The following KLF7 variants were observed in gnomAD, a reference collection of about 807,000 sequenced individuals.
KLF7 encodes the protein KLF transcription factor 7.
A neutral mutation model predicts 27.3 loss-of-function variants in KLF7; 2 were observed. The observed-to-expected ratio is 0.07, with a 90% CI of 0.03 to 0.23. KLF7 has a LOEUF of 0.23. Among genes scored for constraint, KLF7 ranks in the 10% least tolerant of loss-of-function variants. KLF7 has a pLI of 1.00. For missense variants in KLF7, 221 were observed against 394.1 expected (o/e 0.56, Z 3.72); for synonymous variants, 165 against 162.4 (o/e 1.02, Z -0.12).
chr2:207,081,228 C>T lies in KLF7; in HGVS notation c.894G>A (p.Met298Ile). ...FSRSDHLALH[M>I]KRHI ...TTTCGGTTTTTTAGATATGTCTCTT[C>T]ATGTGGAGGGCAAGATGGTCAGACC... Residue 298 changes from methionine to isoleucine, a missense_variant, in exon 4 of 4, where the codon ATG (methionine) becomes ATA (isoleucine). This residue lies in a region of KLF7 where 30 missense variants were observed against 115.4 expected (regional missense o/e 0.26). Coordinates refer to ENST00000309446, the MANE Select transcript of KLF7 (RefSeq NM_003709.4). The T allele has an allele frequency of 6.2e-7, 1 of 1,614,088 alleles. No individual in the cohort carries two copies. The highest frequency in any genetic ancestry group is 8.5e-7 in the Non-Finnish European group (1 of 1,179,974).
chr2:207,109,736 C>T (rs1337802238), intron 2 of KLF7, among the ~76,000 whole-genome samples: 1 of 152,194 alleles, frequency 6.6e-6, no homozygotes, highest in Non-Finnish European at 1.5e-5. Context: ...TTTAGCACAT[C>T]TGCTCTGGGA....
intron 2 of KLF7, among the ~76,000 whole-genome samples, chr2:207,097,261 A>T (rs1337721318): frequency 6.9e-6 from 1 of 145,648 alleles, no homozygotes; most frequent in Non-Finnish European, 1.5e-5. Flanking sequence ...GGAAGGAATT[A>T]AAAAAAAAAA....
upstream of KLF7, chr2:207,166,739 G>A: frequency 1.1e-6 from 1 of 948,236 alleles, no homozygotes; most frequent in Non-Finnish European, 1.3e-6. Context: ...AGGCGGTGCC[G>A]GGGAGGTCCT....
At chr2:207,109,960 C>T (rs1316950581) in intron 2 of KLF7, 2 of 154,784 alleles carry the variant, frequency 1.3e-5, no homozygotes. Context: ...TCCCTACAGC[C>T]ACATTCACAT....
At chr2:207,101,030 C>T (rs55916865) in intron 2 of KLF7, among the ~76,000 whole-genome samples, 297 of 152,298 alleles carry the variant, frequency 2.0e-3, no homozygotes, top group Non-Finnish European at 3.5e-3. Flanking sequence ...TCCAACAGCA[C>T]GAAAAGTTTT....
At position 207,146,975 on chromosome 2, in the gene KLF7, G is replaced by A. The variant is rs183720127; in HGVS notation, c.102+18492C>T. Among the ~76,000 whole-genome samples the A allele has an allele frequency of 4.0e-4, 61 of 152,284 alleles. 1 individual carries two copies. Among genetic ancestry groups the A allele is most frequent in the African/African-American group, 1.3e-3 (53 of 41,570 alleles). ...GTCAGCCCATGGGCTAGAAGGGGTT[G>A]GGCACAGGGAAGTATGGGGAAGCTA... On this transcript the variant is annotated intron_variant, in intron 1 of 3. Transcript: ENST00000309446.
upstream of KLF7, among the ~76,000 whole-genome samples, chr2:207,168,848 C>T (rs879511173): frequency 6.6e-5 from 10 of 152,192 alleles, no homozygotes; most frequent in African/African-American, 1.9e-4. Flanking sequence ...AAAACACATG[C>T]AAGGTATCCA....
At chr2:207,125,176 A>T (rs1327382482) in intron 1 of KLF7, among the ~76,000 whole-genome samples, 1 of 152,262 alleles carries the variant, frequency 6.6e-6, no homozygotes, top group Non-Finnish European at 1.5e-5. Flanking sequence ...ACTTAAAGAT[A>T]GGACCCAATA....
intron 2 of KLF7, among the ~76,000 whole-genome samples, chr2:207,107,721 T>A (rs983959599): frequency 4.6e-5 from 7 of 152,160 alleles, no homozygotes; most frequent in African/African-American, 1.7e-4. Context: ...GCCAGCCGGC[T>A]CTTCTTTGTG....
intron 1 of KLF7, among the ~76,000 whole-genome samples, chr2:207,137,722 T>C (rs1159926468): frequency 6.6e-6 from 1 of 152,194 alleles, no homozygotes; most frequent in Non-Finnish European, 1.5e-5. Context: ...TAATGAAGTG[T>C]AGATTCTCTT....
chr2:207,081,054 T>A lies in KLF7; in HGVS notation c.*159A>T, dbSNP rs1218846805. 3.1e-6 allele frequency: 2 copies of A among 654,936 alleles called. No individual in the cohort carries two copies. The highest frequency in any genetic ancestry group is 5.5e-6 in the Non-Finnish European group (2 of 365,960). 40.6% of individuals were successfully genotyped at this position (654,936 alleles called of 1,614,324 possible). A position where few individuals can be genotyped will look rare whatever the true frequency, so the allele number is the denominator to read the frequency against. ...GTGTATGTGTGTGGGTCTGTGAGTG[T>A]GTGTATATGTGTGTGTGTGTGTGTG... On this transcript the variant is annotated 3_prime_UTR_variant, in exon 4 of 4. Transcript: ENST00000309446.
chr2:207,115,130 A>G (rs2077144533), intron 2 of KLF7, among the ~76,000 whole-genome samples: 1 of 151,986 alleles, frequency 6.6e-6, no homozygotes, highest in Admixed American at 6.6e-5. Context: ...GGGGTCTTAC[A>G]TGAATGCAGA....
intron 2 of KLF7, among the ~76,000 whole-genome samples, chr2:207,112,137 T>C (rs570020358): frequency 1.3e-5 from 2 of 151,592 alleles, no homozygotes; most frequent in African/African-American, 4.9e-5. Context: ...TGATGGTTCT[T>C]CATAAGTAAA....
At chr2:207,085,530 A>G (rs768642724) in intron 3 of KLF7, among the ~76,000 whole-genome samples, 19 of 152,212 alleles carry the variant, frequency 1.2e-4, no homozygotes, top group Non-Finnish European at 2.5e-4. Context: ...CTGTCCAGTC[A>G]GATGGTGAAG....
intron 1 of KLF7, among the ~76,000 whole-genome samples, chr2:207,129,451 T>C (rs1402957759): frequency 3.9e-5 from 6 of 152,170 alleles, no homozygotes; most frequent in Admixed American, 3.9e-4. Flanking sequence ...TTTTCCTCTA[T>C]ATTGATGAGT....
the KLF7 span, among the ~76,000 whole-genome samples, chr2:207,172,476 T>G: frequency 2.6e-5 from 4 of 152,186 alleles, no homozygotes; most frequent in African/African-American, 9.7e-5. Flanking sequence ...TTGTGATACT[T>G]ATCTCTTGTT....
At chr2:207,167,120 CT>C, upstream of KLF7, 1 of 1,432,484 alleles carries the variant, frequency 7.0e-7, no homozygotes, top group Admixed American at 2.6e-5. Flanking sequence ...GCGAGGGGGC[CT>C]TTACGTGATG....
intron 1 of KLF7, among the ~76,000 whole-genome samples, chr2:207,141,102 T>C (rs969681981): frequency 2.6e-5 from 4 of 152,170 alleles, no homozygotes; most frequent in Non-Finnish European, 5.9e-5. Flanking sequence ...AAATGGACTA[T>C]ATATATATCC....
At chr2:207,095,253 G>T (rs542710169) in intron 2 of KLF7, among the ~76,000 whole-genome samples, 6 of 151,770 alleles carry the variant, frequency 4.0e-5, no homozygotes, top group Admixed American at 1.3e-4. Context: ...TTTCACCGTG[G>T]TAGCCAGGAT....
Sources: allele counts gnomAD v4.1 joint callset (sites outside exome capture counted in the v4.1 genomes callset), GRCh38; gene constraint gnomAD v4.1.1; regional missense constraint gnomAD v4.1.1; transcripts MANE v1.5; gene names NCBI Gene and HGNC (gene_info 2026-07-23, HGNC 2026-07-21).